Variants in NRXN3 observed in about 807,000 individuals in gnomAD.
NRXN3 encodes the protein neurexin 3.
A neutral mutation model predicts 137.6 loss-of-function variants in NRXN3; 32 were observed. The ratio of observed to expected loss-of-function variants is 0.23; its 90% CI spans 0.18 to 0.31. The LOEUF (loss-of-function observed/expected upper bound fraction) is 0.31. NRXN3 is among the 10% of genes least tolerant of loss of function. The probability of loss-of-function intolerance (pLI) is 1.00; values close to 1 mark genes in which losing one functional copy is unlikely to be tolerated. For missense variants in NRXN3, 1,574 were observed against 2,062.5 expected (o/e 0.76, Z 4.59); for synonymous variants, 798 against 784.5 (o/e 1.02, Z -0.29).
At chr14:78,846,268 C>T (rs917554237) in intron 10 of NRXN3, among the ~76,000 whole-genome samples, 16 of 152,040 alleles carry the variant, frequency 1.1e-4, no homozygotes, top group African/African-American at 3.4e-4. Context: ...CTTGCCTCTA[C>T]CCACAGTAAT....
chr14:79,126,297 G>A (rs1160223074), intron 15 of NRXN3, among the ~76,000 whole-genome samples: 3 of 151,690 alleles, frequency 2.0e-5, no homozygotes, highest in Non-Finnish European at 2.9e-5. Flanking sequence ...CTAGCATTAG[G>A]TATATCTCCC....
At chr14:79,114,542 A>C (rs2054070339) in intron 15 of NRXN3, among the ~76,000 whole-genome samples, 1 of 152,204 alleles carries the variant, frequency 6.6e-6, no homozygotes, top group Non-Finnish European at 1.5e-5. Context: ...ATGATTACTC[A>C]AAAGTGGTCT....
intron 10 of NRXN3, among the ~76,000 whole-genome samples, chr14:78,856,821 C>T (rs1210577710): frequency 2.0e-5 from 3 of 152,138 alleles, no homozygotes; most frequent in Non-Finnish European, 2.9e-5. Context: ...GCAACCTCTG[C>T]CTCCCAGGTT....
intron 10 of NRXN3, among the ~76,000 whole-genome samples, chr14:78,896,807 T>C (rs1253840388): frequency 6.6e-6 from 1 of 151,840 alleles, no homozygotes; most frequent in Non-Finnish European, 1.5e-5. Flanking sequence ...AATAGAATAA[T>C]ACATGGAGTA....
intron 10 of NRXN3, among the ~76,000 whole-genome samples, chr14:78,817,150 A>G (rs2153114122): frequency 6.6e-6 from 1 of 152,320 alleles, no homozygotes; most frequent in East Asian, 1.9e-4. Context: ...GCAATTACAA[A>G]GAGCAAGGAG....
intron 1 of NRXN3, among the ~76,000 whole-genome samples, chr14:78,185,223 C>G (rs1300508765): frequency 2.0e-5 from 3 of 152,120 alleles, no homozygotes; most frequent in Non-Finnish European, 2.9e-5. Flanking sequence ...AGGCCTCGAT[C>G]TATTATAGGA....
intron 15 of NRXN3, among the ~76,000 whole-genome samples, chr14:79,286,715 G>A (rs1157716089): frequency 6.6e-6 from 1 of 151,852 alleles, no homozygotes; most frequent in African/African-American, 2.4e-5. Flanking sequence ...TGGACAGTGT[G>A]GTGTTAGGTG....
intron 17 of NRXN3, among the ~76,000 whole-genome samples, chr14:79,670,901 G>T (rs1013114970): frequency 6.6e-6 from 1 of 152,114 alleles, no homozygotes; most frequent in Non-Finnish European, 1.5e-5. Flanking sequence ...GGGACTAAGA[G>T]ATTTTCCATC....
chr14:78,403,678 G>C, intron 4 of NRXN3: 1 of 981,428 alleles, frequency 1.0e-6, no homozygotes, highest in Non-Finnish European at 1.2e-6. Flanking sequence ...CACCGAGGGC[G>C]GTGTTAGGAA....
At chr14:78,265,364 G>A (rs1326389456) in intron 2 of NRXN3, among the ~76,000 whole-genome samples, 4 of 152,188 alleles carry the variant, frequency 2.6e-5, no homozygotes, top group Non-Finnish European at 5.9e-5. Context: ...GCCTGCTAGA[G>A]TTGTGGAGAG....
intron 1 of NRXN3, among the ~76,000 whole-genome samples, chr14:78,189,473 T>C (rs1383204636): frequency 6.6e-6 from 1 of 152,188 alleles, no homozygotes; most frequent in Non-Finnish European, 1.5e-5. Flanking sequence ...TTCTGCCTCC[T>C]CTTCCATTCT....
chr14:78,932,521 T>C (rs533135618), intron 10 of NRXN3, among the ~76,000 whole-genome samples: 45 of 152,290 alleles, frequency 3.0e-4, no homozygotes, highest in Admixed American at 2.7e-3. Context: ...GGATACAATA[T>C]TCCAAGATCA....
intron 20 of NRXN3, among the ~76,000 whole-genome samples, chr14:79,841,640 A>T (rs2099356104): frequency 1.3e-5 from 2 of 152,136 alleles, no homozygotes; most frequent in Non-Finnish European, 2.9e-5. Context: ...CCCCATTAAT[A>T]ATTTGCTTGG....
chr14:79,089,411 G>C (rs751992391), intron 15 of NRXN3, among the ~76,000 whole-genome samples: 1 of 152,094 alleles, frequency 6.6e-6, no homozygotes, highest in Admixed American at 6.6e-5. Flanking sequence ...CAAAGAGGAG[G>C]AAGAGGAGGA....
At chr14:78,414,039 T>A (rs2092992427) in intron 4 of NRXN3, among the ~76,000 whole-genome samples, 1 of 152,184 alleles carries the variant, frequency 6.6e-6, no homozygotes, top group African/African-American at 2.4e-5. Flanking sequence ...ATGTAAGACA[T>A]GCCTTTGCTC....
chr14:79,861,562 T>G lies in NRXN3; in HGVS notation c.4314T>G (p.Pro1438=), dbSNP rs747889155. The change falls in exon 21 of 21, where the codon CCT becomes CCG. Residue 1438 remains proline, a synonymous_variant. Transcript: ENST00000335750. The surrounding 1 kb of genome is among the most constrained non-coding windows in gnomAD (Gnocchi z 5.4). ...KMNNRDLKPQ[P]DIVLLPLPTA... ...ATAACCGTGATCTCAAACCCCAGCCTGATATAGTCTTGCTTCCGTTGCCCA... is the reference window on the plus strand; with the variant it reads ...ATAACCGTGATCTCAAACCCCAGCCGGATATAGTCTTGCTTCCGTTGCCCA... 1.3e-6 allele frequency: 2 copies of G among 1,587,516 alleles called. No individual in the cohort carries two copies. The highest frequency in any genetic ancestry group is 2.3e-5 in the South Asian group (2 of 88,130).
chr14:78,196,872 GT>G (rs1457293134), intron 1 of NRXN3, among the ~76,000 whole-genome samples: 1 of 152,196 alleles, frequency 6.6e-6, no homozygotes, highest in Non-Finnish European at 1.5e-5. Context: ...ACAGCCCTAG[GT>G]TATTGGGGGA....
At chr14:78,900,470 A>C (rs2099192367) in intron 10 of NRXN3, among the ~76,000 whole-genome samples, 1 of 149,430 alleles carries the variant, frequency 6.7e-6, no homozygotes, top group African/African-American at 2.5e-5. Context: ...ATCTATCATT[A>C]CTACGTTTGG....
intron 4 of NRXN3, among the ~76,000 whole-genome samples, chr14:78,399,719 T>C (rs2091871994): frequency 6.6e-6 from 1 of 152,248 alleles, no homozygotes. Flanking sequence ...ACAGTAATTT[T>C]TATTTGCTAT....
Sources: gnomAD v4.1 joint callset for allele counts (sites outside exome capture counted in the v4.1 genomes callset) on GRCh38, gnomAD v4.1.1 for gene constraint, Gnocchi (gnomAD v3.1) non-coding constraint, MANE v1.5 for transcripts, NCBI Gene and HGNC (gene_info 2026-07-23, HGNC 2026-07-21) for gene names.